The following SLC8A1 variants were observed in gnomAD, a reference collection of about 807,000 sequenced individuals.
SLC8A1 encodes the protein solute carrier family 8 member A1.
In SLC8A1, 18 loss-of-function variants were observed where a neutral mutation model predicts 68.3. The ratio of observed to expected loss-of-function variants is 0.26; its 90% CI spans 0.18 to 0.39. The LOEUF is 0.39. Ranked by LOEUF, SLC8A1 falls within the 10% of genes least tolerant of loss-of-function variation. SLC8A1 has a pLI of 1.00. For missense variants in SLC8A1, 985 were observed against 1,156.7 expected (o/e 0.85, Z 2.15); for synonymous variants, 475 against 415.5 (o/e 1.14, Z -1.74).
intron 2 of SLC8A1, among the ~76,000 whole-genome samples, chr2:40,327,469 C>A (rs1162106470): frequency 6.6e-6 from 1 of 152,126 alleles, no homozygotes; most frequent in African/African-American, 2.4e-5. Flanking sequence ...CGCAGCATAG[C>A]TTTTTAAAAA....
At chr2:40,174,647 G>T (rs2048150348) in intron 4 of SLC8A1, 59 bp downstream of exon 6, 1 of 1,383,268 alleles carries the variant, frequency 7.2e-7, no homozygotes, top group Non-Finnish European at 1.0e-6. Context: ...ATGTAGGTTT[G>T]GATTGATGGT....
At chr2:40,372,166 C>G (rs550482044) in intron 2 of SLC8A1, among the ~76,000 whole-genome samples, 4 of 152,162 alleles carry the variant, frequency 2.6e-5, no homozygotes, top group Admixed American at 1.3e-4. Flanking sequence ...AGACTTTCCT[C>G]TAAGAATCTA....
At chr2:40,172,708 C>T (rs756944964) in intron 4 of SLC8A1, among the ~76,000 whole-genome samples, 11 of 151,936 alleles carry the variant, frequency 7.2e-5, no homozygotes, top group South Asian at 2.1e-4. Flanking sequence ...TTTGGGAGGC[C>T]GAGGTGGGTG....
At position 40,296,834 on chromosome 2, in the gene SLC8A1, T is replaced by C. The variant is rs558166092; in HGVS notation, c.1809-118979A>G. Among the ~76,000 whole-genome samples, 5 of 152,296 alleles carry C rather than the reference T, an allele frequency of 3.3e-5. No homozygotes were observed. In the South Asian group the frequency reaches 1.0e-3, roughly 32 times the overall value. On this transcript the variant is annotated intron_variant, in intron 2 of 7. Coordinates refer to ENST00000406785, the Ensembl canonical transcript of SLC8A1. ...CTTATGTCATCATCAAGTTCACCAATTAACCTATATTTTCACCCAGGTAGT... is the reference window on the plus strand; with the variant it reads ...CTTATGTCATCATCAAGTTCACCAACTAACCTATATTTTCACCCAGGTAGT...
chr2:40,489,949 C>A (rs1423467502), intron 1 of SLC8A1, among the ~76,000 whole-genome samples: 1 of 152,048 alleles, frequency 6.6e-6, no homozygotes, highest in Non-Finnish European at 1.5e-5. Context: ...CAGGCAGCCC[C>A]CTTACATTCA....
exon 8 of SLC8A1, chr2:40,114,348 G>C (rs545543257): frequency 3.4e-4 from 52 of 152,918 alleles, no homozygotes; most frequent in African/African-American, 1.2e-3. Flanking sequence ...GGAAAACGAT[G>C]ATGTGCTTTT....
intron 1 of SLC8A1, among the ~76,000 whole-genome samples, chr2:40,463,825 T>TACAC (rs1364700620): frequency 1.3e-4 from 14 of 108,344 alleles, no homozygotes; most frequent in Non-Finnish European, 1.9e-5. Flanking sequence ...GATATATACA[T>TACAC]ACACACACAC....
chr2:40,481,377 G>C (rs567567383), intron 1 of SLC8A1, among the ~76,000 whole-genome samples: 1 of 152,268 alleles, frequency 6.6e-6, no homozygotes, highest in African/African-American at 2.4e-5. Context: ...GCCATACCTG[G>C]CTTTAAATTC....
At chr2:40,365,406 G>A (rs901792303) in intron 2 of SLC8A1, among the ~76,000 whole-genome samples, 5 of 152,040 alleles carry the variant, frequency 3.3e-5, no homozygotes, top group African/African-American at 4.8e-5. Flanking sequence ...TGATTTATGT[G>A]TTTACAATTA....
chr2:40,410,067 A>G (rs1032950189), intron 2 of SLC8A1, among the ~76,000 whole-genome samples: 2 of 152,178 alleles, frequency 1.3e-5, no homozygotes, highest in Non-Finnish European at 2.9e-5. Context: ...GGAAGCAAAT[A>G]CTAAAGAAAA....
intron 2 of SLC8A1, among the ~76,000 whole-genome samples, chr2:40,414,666 C>A (rs903061481): frequency 2.6e-5 from 4 of 151,858 alleles, no homozygotes; most frequent in Non-Finnish European, 5.9e-5. Flanking sequence ...GAGGTTTATT[C>A]ATTGCTTAGG....
chr2:40,115,511 G>A (rs1003665406), exon 8 of SLC8A1: 37 of 1,614,086 alleles, frequency 2.3e-5, no homozygotes, highest in Non-Finnish European at 3.1e-5. Flanking sequence ...AGATGGCAGC[G>A]ATGGACCAGG....
chr2:40,214,608 A>AT (rs879271088), intron 2 of SLC8A1, among the ~76,000 whole-genome samples: 222 of 143,460 alleles, frequency 1.5e-3, no homozygotes, highest in East Asian at 5.9e-3. Flanking sequence ...CACCTGGCTA[A>AT]TTTTTTTTTT....
At chr2:40,478,305 C>T (rs924033891) in intron 1 of SLC8A1, among the ~76,000 whole-genome samples, 1 of 152,144 alleles carries the variant, frequency 6.6e-6, no homozygotes, top group Non-Finnish European at 1.5e-5. Context: ...TTCTACCTGT[C>T]ATGGTGAGAC....
intron 1 of SLC8A1, among the ~76,000 whole-genome samples, chr2:40,485,257 A>G (rs964711037): frequency 6.6e-6 from 1 of 152,150 alleles, no homozygotes; most frequent in African/African-American, 2.4e-5. Context: ...ATGGAACCGG[A>G]CATTCTGCTT....
At chr2:40,117,392 C>CAAAAAAAA (rs70957144) in intron 7 of SLC8A1, among the ~76,000 whole-genome samples, 4 of 58,720 alleles carry the variant, frequency 6.8e-5, no homozygotes, top group African/African-American at 1.5e-4. Flanking sequence ...ACTAAAAATA[C>CAAAAAAAA]AAAAAAAAAA....
At chr2:40,241,463 T>A (rs2061215054) in intron 2 of SLC8A1, among the ~76,000 whole-genome samples, 1 of 152,130 alleles carries the variant, frequency 6.6e-6, no homozygotes, top group Non-Finnish European at 1.5e-5. Context: ...ATGTACCCCC[T>A]CCGTCAAAAA....
chr2:40,172,511 G>A (rs1481082304), intron 4 of SLC8A1, among the ~76,000 whole-genome samples: 1 of 151,874 alleles, frequency 6.6e-6, no homozygotes, highest in Non-Finnish European at 1.5e-5. Flanking sequence ...TTGTGGCCGA[G>A]GCAGGAAAAG....
chr2:40,239,077 G>C (rs990734274), intron 2 of SLC8A1, among the ~76,000 whole-genome samples: 1 of 151,866 alleles, frequency 6.6e-6, no homozygotes, highest in Admixed American at 6.6e-5. Context: ...TTTTATGGAG[G>C]CTTCTAAATT....
Sources: gnomAD v4.1 joint callset for allele counts (sites outside exome capture counted in the v4.1 genomes callset) on GRCh38, gnomAD v4.1.1 for gene constraint, MANE v1.5 for transcripts, NCBI Gene and HGNC (gene_info 2026-07-23, HGNC 2026-07-21) for gene names.